Variants in TUBA4B observed in about 807,000 individuals in gnomAD.
The protein encoded by TUBA4B is tubulin-like protein alpha-4B.
A neutral mutation model predicts 18.4 loss-of-function variants in TUBA4B; 13 were observed. The observed-to-expected ratio is 0.71, with a 90% CI of 0.46 to 1.12. TUBA4B has a LOEUF of 1.12. TUBA4B is among the 50% of genes most tolerant of loss of function. TUBA4B has a pLI of 0.00. For synonymous variants in TUBA4B, 101 were observed against 99.1 expected, an observed-to-expected ratio of 1.02 and a Z score of -0.11; for missense variants, 244 against 250.0, an observed-to-expected ratio of 0.98 and a Z score of 0.16.
intron 1 of TUBA4B, among the ~76,000 whole-genome samples, chr2:219,256,212 TAAC>T (rs1951718745): frequency 6.6e-6 from 1 of 152,236 alleles, no homozygotes; most frequent in South Asian, 2.1e-4. Context: ...AAAACCGGGA[TAAC>T]AACTTCAGAT....
At chr2:219,263,012 G>A (rs535307858) in intron 1 of TUBA4B, among the ~76,000 whole-genome samples, 3 of 152,126 alleles carry the variant, frequency 2.0e-5, no homozygotes, top group African/African-American at 7.2e-5. Context: ...CTGCACCCCA[G>A]CCTGGGCAAC....
intron 2 of TUBA4B, among the ~76,000 whole-genome samples, chr2:219,269,781 T>A (rs1176292100): frequency 6.6e-6 from 1 of 152,116 alleles, no homozygotes; most frequent in Non-Finnish European, 1.5e-5. Flanking sequence ...AACACCTTTT[T>A]TAGTGAAACT....
chr2:219,265,811 G>A (rs1165386657), intron 1 of TUBA4B, among the ~76,000 whole-genome samples: 1 of 152,186 alleles, frequency 6.6e-6, no homozygotes, highest in Admixed American at 6.5e-5. Context: ...GTGCCTTGAG[G>A]CCCTGCTCAT....
chr2:219,269,813 C>A (rs1394953759), intron 2 of TUBA4B, among the ~76,000 whole-genome samples: 3 of 152,082 alleles, frequency 2.0e-5, no homozygotes, highest in Non-Finnish European at 2.9e-5. Flanking sequence ...ACATGTGCCC[C>A]AGGCGGTGTT....
chr2:219,259,337 A>AG (rs1951746262), intron 1 of TUBA4B, among the ~76,000 whole-genome samples: 1 of 150,118 alleles, frequency 6.7e-6, no homozygotes, highest in South Asian at 2.1e-4. Flanking sequence ...AAAAAAAAAA[A>AG]AAAGAAATGC....
At chr2:219,253,835 C>T in intron 1 of TUBA4B, 1 of 1,517,598 alleles carries the variant, frequency 6.6e-7, no homozygotes, top group Non-Finnish European at 8.8e-7. Flanking sequence ...ACAGGCGCGA[C>T]CCCGGCCGGG....
chr2:219,253,682 T>C (rs2125071675), intron 1 of TUBA4B, among the ~76,000 whole-genome samples: 1 of 152,262 alleles, frequency 6.6e-6, no homozygotes, highest in South Asian at 2.1e-4. Context: ...AGGTGAACTA[T>C]ACGGCTCGGC....
chr2:219,254,518 G>T (rs1264523561), intron 1 of TUBA4B: 2 of 152,274 alleles, frequency 1.3e-5, no homozygotes, highest in Admixed American at 6.5e-5. Context: ...AGGCGCTCCC[G>T]CAGAGTCGAG....
intron 1 of TUBA4B, among the ~76,000 whole-genome samples, chr2:219,263,844 G>A (rs1161367647): frequency 5.3e-5 from 8 of 152,146 alleles, no homozygotes; most frequent in African/African-American, 1.7e-4. Context: ...GGGTTGACAG[G>A]GTCTCTGAAA....
chr2:219,264,395 G>A (rs1017172859), intron 1 of TUBA4B, among the ~76,000 whole-genome samples: 3 of 151,700 alleles, frequency 2.0e-5, no homozygotes, highest in African/African-American at 7.3e-5. Context: ...AAGAGGCAGA[G>A]GTTGCAGTGA....
intron 1 of TUBA4B, among the ~76,000 whole-genome samples, chr2:219,261,039 C>T (rs796507932): frequency 2.0e-5 from 3 of 152,206 alleles, no homozygotes; most frequent in Admixed American, 6.5e-5. Flanking sequence ...CTCTCTCTCT[C>T]TCCTCTCCCT....
chr2:219,267,855 A>C (rs1574894017), intron 2 of TUBA4B, among the ~76,000 whole-genome samples: 1 of 151,750 alleles, frequency 6.6e-6, no homozygotes, highest in Admixed American at 6.6e-5. Flanking sequence ...GAGCCACTGC[A>C]CCCGGCCAGG....
intron 1 of TUBA4B, among the ~76,000 whole-genome samples, chr2:219,256,628 C>A (rs1951722043): frequency 6.6e-6 from 1 of 152,136 alleles, no homozygotes; most frequent in South Asian, 2.1e-4. Flanking sequence ...TGGATTATCC[C>A]AGGTAGGCCC....
At chr2:219,256,719 T>TG (rs11378222) in intron 1 of TUBA4B, among the ~76,000 whole-genome samples, 152,323 of 152,324 alleles carry the variant, frequency 1, 76,161 homozygotes, top group Non-Finnish European at 1. Context: ...CCTGGTGCAG[T>TG]GCTCATGCCA....
At chr2:219,263,588 A>C (rs1192984339) in intron 1 of TUBA4B, among the ~76,000 whole-genome samples, 1 of 152,244 alleles carries the variant, frequency 6.6e-6, no homozygotes, top group Non-Finnish European at 1.5e-5. Context: ...TCAGTGCTAC[A>C]CAAGAGAGTT....
At chr2:219,266,587 G>C in intron 2 of TUBA4B, 21 bp downstream of exon 2, 3 of 702,884 alleles carry the variant, frequency 4.3e-6, no homozygotes, top group South Asian at 3.0e-5. Flanking sequence ...GGGGCCTTGG[G>C]GGGACTGAGC....
Position 219,271,488 on chromosome 2 carries a change from A to G in TUBA4B, c.515A>G (p.Gln172Arg). 1 of 1,614,132 alleles carries G rather than the reference A, an allele frequency of 6.2e-7. No homozygotes were observed. Among genetic ancestry groups the G allele is most frequent in the Non-Finnish European group, 8.5e-7 (1 of 1,180,016 alleles). Residue 172 changes from glutamine (Q) to arginine (R), a missense_variant, in exon 4 of 4, where the codon CAA becomes CGA. By Grantham distance (43) the Gln-to-Arg change is conservative. Coordinates refer to ENST00000490341, the MANE Select transcript of TUBA4B (RefSeq NM_001355221.1). ...ACCAACCTCAATCGCCTCATTAGCC[A>G]AATTGTCTCCTCCATCACAGCTTCT... Reference protein sequence around the residue: ...TYTNLNRLISQIVSSITASLR... With the variant: ...TYTNLNRLISRIVSSITASLR...
chr2:219,253,540 G>C, intron 1 of TUBA4B, 121 bp downstream of exon 1: 1 of 857,074 alleles, frequency 1.2e-6, no homozygotes, highest in Non-Finnish European at 1.9e-6. Context: ...AAAGGACGGG[G>C]CGCGGGCCCG....
At chr2:219,264,588 C>T (rs933764493) in intron 1 of TUBA4B, among the ~76,000 whole-genome samples, 5 of 152,066 alleles carry the variant, frequency 3.3e-5, no homozygotes, top group East Asian at 1.9e-4. Context: ...GCAGAAGCAT[C>T]GCCACAGTCG....
Sources: allele counts gnomAD v4.1 joint callset (sites outside exome capture counted in the v4.1 genomes callset), GRCh38; gene constraint gnomAD v4.1.1; transcripts MANE v1.5; gene names NCBI Gene and HGNC (gene_info 2026-07-23, HGNC 2026-07-21).